PODXL2: variants seen among roughly 807,000 people sequenced by gnomAD.
PODXL2 encodes podocalyxin-like protein 2.
In PODXL2, 17 loss-of-function variants were observed where a neutral mutation model predicts 53.4. The observed-to-expected ratio is 0.32, with a 90% confidence interval of 0.22 to 0.48. The LOEUF (loss-of-function observed/expected upper bound fraction) is 0.48. Ranked by LOEUF, PODXL2 falls within the 20% of genes least tolerant of loss-of-function variation. The probability of loss-of-function intolerance (pLI) is 0.99; values close to 1 mark genes in which losing one functional copy is unlikely to be tolerated. For synonymous variants in PODXL2, 311 were observed against 306.7 expected (o/e 1.01, Z -0.15); for missense variants, 673 against 760.0 (o/e 0.89, Z 1.35).
chr3:127,670,323 C>A (rs2074824384), intron 6 of PODXL2, among the ~76,000 whole-genome samples: 1 of 152,190 alleles, frequency 6.6e-6, no homozygotes, highest in African/African-American at 2.4e-5. Context: ...GGAGCCCGGG[C>A]CTTTCACCAC....
At chr3:127,654,314 C>T (rs956136478) in intron 2 of PODXL2, among the ~76,000 whole-genome samples, 1 of 152,226 alleles carries the variant, frequency 6.6e-6, no homozygotes, top group African/African-American at 2.4e-5. Flanking sequence ...ATATTGTGGA[C>T]GTGATGCTGT....
Position 127,671,416 on chromosome 3 carries a change from G to A in PODXL2, c.1426-18G>A. On this transcript the variant is annotated intron_variant, in intron 6 of 7. Coordinates refer to ENST00000342480, the MANE Select transcript of PODXL2 (RefSeq NM_015720.4). ...CCCCAGGACCTCAGCTGAGGAAACT[G>A]GCCCCTCCCACCCCTAGATTGGCAT... The A allele has an allele frequency of 3.7e-6, 6 of 1,611,264 alleles. No homozygotes were observed. In the South Asian group the frequency reaches 4.4e-5, roughly 12 times the overall value.
At chr3:127,644,992 C>T (rs1012366600) in intron 2 of PODXL2, among the ~76,000 whole-genome samples, 2 of 152,194 alleles carry the variant, frequency 1.3e-5, no homozygotes, top group South Asian at 2.1e-4. Flanking sequence ...GACCATGATC[C>T]TGTGAAAAAA....
chr3:127,672,062 C>G (rs892913498), intron 7 of PODXL2, among the ~76,000 whole-genome samples: 2 of 152,236 alleles, frequency 1.3e-5, no homozygotes, highest in Admixed American at 1.3e-4. Context: ...TCGATGACGT[C>G]AGGGAGGCCA....
intron 4 of PODXL2, among the ~76,000 whole-genome samples, chr3:127,665,310 G>T (rs546576215): frequency 1.3e-5 from 2 of 152,188 alleles, no homozygotes; most frequent in Non-Finnish European, 2.9e-5. Flanking sequence ...AAACTGATGG[G>T]CTATACAGAG....
In PODXL2 at chr3:127,668,459, C is replaced by T. The variant is rs774705511; in HGVS notation, c.1225C>T (p.Arg409Trp). The T allele has an allele frequency of 4.0e-6, 6 of 1,513,364 alleles. No individual in the cohort carries two copies. The highest frequency in any genetic ancestry group is 2.6e-5 in the South Asian group (2 of 77,294). 93.7% of individuals were successfully genotyped at this position (1,513,364 alleles called of 1,614,324 possible). ...NIDCEVFRQH[R>W]GPQLLALVEE... ...CTTGTAGGAGGTGTTCCGGCAGCAC[C>T]GGGGGCCACAGCTCCTGGCCCTGGT... Residue 409 changes from arginine to tryptophan, a missense_variant, in exon 5 of 8, where the codon CGG becomes TGG. By Grantham distance (101) the Arg-to-Trp change is moderately radical. This residue lies in a region of PODXL2 where 588 missense variants were observed against 668.3 expected (regional missense o/e 0.88). Transcript: ENST00000342480.
intron 2 of PODXL2, among the ~76,000 whole-genome samples, chr3:127,641,440 C>T (rs2074619581): frequency 6.6e-6 from 1 of 151,834 alleles, no homozygotes; most frequent in African/African-American, 2.4e-5. Context: ...AACTCCTGGG[C>T]TCAAGCGATC....
intron 7 of PODXL2, 28 bp downstream of exon 7, chr3:127,671,641 G>A: frequency 6.2e-7 from 1 of 1,604,826 alleles, no homozygotes; most frequent in Non-Finnish European, 8.5e-7. Context: ...TGGGGCTGGG[G>A]GCCAGTTGAG....
At chr3:127,652,113 G>T (rs1308225336) in intron 2 of PODXL2, among the ~76,000 whole-genome samples, 1 of 152,202 alleles carries the variant, frequency 6.6e-6, no homozygotes, top group Non-Finnish European at 1.5e-5. Flanking sequence ...AAAAGACACT[G>T]GCTTTAACCA....
At chr3:127,660,282 G>T in intron 2 of PODXL2, 96 bp from the exon 3 acceptor site, 1 of 1,498,374 alleles carries the variant, frequency 6.7e-7, no homozygotes, top group Non-Finnish European at 9.0e-7. Flanking sequence ...TGCCCTGTCA[G>T]TGTATTGTGG....
rs2074838660 is a variant in PODXL2 at position 127,671,538 on chromosome 3, C to T, written c.1530C>T (p.Ala510=). ...TLFVVLVVIG[A]ICIIIIALGL... Reference sequence around the variant, plus strand: ...TCGTGGTGCTGGTGGTCATTGGGGCCATCTGCATCATCATCATTGCGCTTG... The same window carrying T: ...TCGTGGTGCTGGTGGTCATTGGGGCTATCTGCATCATCATCATTGCGCTTG... The change falls in exon 7 of 8, where the codon GCC becomes GCT. Residue 510 remains alanine, a synonymous_variant. Coordinates refer to ENST00000342480, the MANE Select transcript of PODXL2 (RefSeq NM_015720.4). The T allele has an allele frequency of 1.2e-6, 2 of 1,614,184 alleles. No individual in the cohort carries two copies. The highest frequency in any genetic ancestry group is 1.7e-5 in the Admixed American group (1 of 60,030).
chr3:127,634,729 A>C (rs1360260680), intron 1 of PODXL2, among the ~76,000 whole-genome samples: 1 of 152,182 alleles, frequency 6.6e-6, no homozygotes, highest in Non-Finnish European at 1.5e-5. Context: ...TGTCTGAAAA[A>C]ATAAATAAAA....
chr3:127,660,313 A>G (rs929749852), intron 2 of PODXL2, 65 bp from the exon 3 acceptor site: 43 of 1,565,874 alleles, frequency 2.7e-5, no homozygotes, highest in East Asian at 1.8e-4. Context: ...CCATCTGCCC[A>G]GTAAATACTG....
chr3:127,653,338 T>C (rs1162901107), intron 2 of PODXL2, among the ~76,000 whole-genome samples: 3 of 152,198 alleles, frequency 2.0e-5, no homozygotes, highest in Non-Finnish European at 4.4e-5. Context: ...GCATGTTCGC[T>C]GACCTGTAGT....
At chr3:127,651,292 A>G (rs2074687581) in intron 2 of PODXL2, among the ~76,000 whole-genome samples, 1 of 152,164 alleles carries the variant, frequency 6.6e-6, no homozygotes, top group Non-Finnish European at 1.5e-5. Context: ...CACCAGGGTG[A>G]ATCCAGAGTT....
intron 1 of PODXL2, among the ~76,000 whole-genome samples, chr3:127,635,657 A>C (rs2074573259): frequency 6.6e-6 from 1 of 152,156 alleles, no homozygotes; most frequent in Non-Finnish European, 1.5e-5. Flanking sequence ...TAGAAATGCA[A>C]ATTGTTGGGC....
intron 4 of PODXL2, among the ~76,000 whole-genome samples, chr3:127,662,534 T>G (rs1454410096): frequency 6.6e-6 from 1 of 152,238 alleles, no homozygotes; most frequent in Non-Finnish European, 1.5e-5. Flanking sequence ...TCTTTTTAAT[T>G]TAAATGAATA....
Position 127,660,907 on chromosome 3 carries a change from A to G in PODXL2, c.879A>G (p.Ala293=). ...CAAGCGAGGAAGCCACTGCAGGAGC[A>G]GCTGGTTTGTCTGGCCAGCACGAGG... ...QEASEEATAG[A]AGLSGQHEEV... Residue 293 remains alanine, a synonymous_variant, in exon 3 of 8, where the codon GCA becomes GCG. Transcript: ENST00000342480. The G allele has an allele frequency of 2.5e-6, 4 of 1,614,246 alleles. No homozygotes were observed. The highest frequency in any genetic ancestry group is 2.5e-6 in the Non-Finnish European group (3 of 1,180,040).
rs1290044925 is a variant in PODXL2, at chr3:127,672,572, TACCCGGGCCGCCCCCGCGGCCTGGCCC to T, written c.*93_*119del. ...CCGGAGCCCGCACCAGCCCCGCGCC[TACCCGGGCCGCCCCCGCGGCCTGGCCC>T]TCGGCGCGGGCTCCTTCCCGCTTCC... On this transcript the variant is annotated 3_prime_UTR_variant, in exon 8 of 8. Coordinates refer to ENST00000342480, the MANE Select transcript of PODXL2 (RefSeq NM_015720.4). 173 of 823,172 alleles carry T rather than the reference TACCCGGGCCGCCCCCGCGGCCTGGCCC, an allele frequency of 2.1e-4. No individual in the cohort carries two copies. The highest frequency in any genetic ancestry group is 1.6e-4 in the Non-Finnish European group (91 of 574,960). The allele number at this position is 823,172 out of a possible 1,614,324, so 51.0% of individuals were successfully genotyped here.
Sources: gnomAD v4.1 joint callset for allele counts (sites outside exome capture counted in the v4.1 genomes callset) on GRCh38, gnomAD v4.1.1 for gene constraint, gnomAD v4.1.1 regional missense constraint, MANE v1.5 for transcripts, NCBI Gene and HGNC (gene_info 2026-07-23, HGNC 2026-07-21) for gene names.